The following DLGAP1 variants were observed in gnomAD, a reference collection of about 807,000 sequenced individuals.
DLGAP1 encodes disks large-associated protein 1.
Under a neutral mutation model 90.8 loss-of-function variants are expected in DLGAP1, and 11 were observed. The ratio of observed to expected loss-of-function variants is 0.12; its 90% CI spans 0.08 to 0.20. The LOEUF (loss-of-function observed/expected upper bound fraction) is 0.20. Ranked by LOEUF, DLGAP1 falls within the 10% of genes least tolerant of loss-of-function variation. The pLI is 1.00. For synonymous variants in DLGAP1, 558 were observed against 540.7 expected (o/e 1.03, Z -0.44); for missense variants, 1,050 against 1,333.8 (o/e 0.79, Z 3.31).
intron 7 of DLGAP1, among the ~76,000 whole-genome samples, chr18:3,691,785 G>A (rs371720910): frequency 1.8e-4 from 27 of 151,978 alleles, no homozygotes; most frequent in African/African-American, 4.3e-4. Flanking sequence ...GAGTGGTGGC[G>A]GGCATGCATC....
At chr18:4,327,858 G>A (rs2080857294) in intron 1 of DLGAP1, among the ~76,000 whole-genome samples, 1 of 151,868 alleles carries the variant, frequency 6.6e-6, no homozygotes, top group South Asian at 2.1e-4. Context: ...GTTTTGCTTT[G>A]ATGGGAATCA....
chr18:4,390,575 C>T (rs1474747054), intron 1 of DLGAP1, among the ~76,000 whole-genome samples: 1 of 152,194 alleles, frequency 6.6e-6, no homozygotes, highest in Non-Finnish European at 1.5e-5. Flanking sequence ...TTACTATCTC[C>T]ATTGTTCTGA....
At chr18:3,918,435 A>C (rs1356798769) in intron 3 of DLGAP1, among the ~76,000 whole-genome samples, 1 of 152,188 alleles carries the variant, frequency 6.6e-6, no homozygotes, top group Non-Finnish European at 1.5e-5. Flanking sequence ...GACGTTTTCC[A>C]GGCTGTTTTT....
chr18:3,813,898 G>T (rs572538239), intron 5 of DLGAP1, among the ~76,000 whole-genome samples, 161 bp downstream of exon 5: 4 of 152,220 alleles, frequency 2.6e-5, no homozygotes, highest in Admixed American at 2.6e-4. Flanking sequence ...TCTACAAAGG[G>T]ACTGGGGTAC....
At position 4,229,883 on chromosome 18, in the gene DLGAP1, G is replaced by C. The variant is rs575196102; in HGVS notation, c.-266-78596C>G. Among the ~76,000 whole-genome samples, 681 of 152,088 alleles carry C rather than the reference G, an allele frequency of 4.5e-3. 5 individuals carry two copies. Among genetic ancestry groups the C allele is most frequent in the African/African-American group, 0.015 (637 of 41,524 alleles). ...AACCCACAGAAAATGTTTGCAAACT[G>C]CCCATCTGAGAAGAGATTAATGACC... is the stretch of plus-strand genomic sequence containing the variant. On this transcript the variant is annotated intron_variant, in intron 1 of 12. Transcript: ENST00000315677.
intron 2 of DLGAP1, among the ~76,000 whole-genome samples, chr18:4,075,189 A>G (rs2075505085): frequency 6.6e-6 from 1 of 152,192 alleles, no homozygotes; most frequent in African/African-American, 2.4e-5. Context: ...TTAAGAAATC[A>G]GTGGCAACAG....
intron 3 of DLGAP1, among the ~76,000 whole-genome samples, chr18:3,949,898 G>A (rs2072950872): frequency 6.6e-6 from 1 of 152,150 alleles, no homozygotes; most frequent in Non-Finnish European, 1.5e-5. Context: ...TAGTCCACAT[G>A]ATATTTTGTT....
intron 12 of DLGAP1, among the ~76,000 whole-genome samples, chr18:3,500,009 T>C (rs377422911): frequency 1.2e-4 from 19 of 152,110 alleles, no homozygotes; most frequent in East Asian, 7.7e-4. Flanking sequence ...ATATACAATA[T>C]ACAGGGTCAC....
intron 1 of DLGAP1, among the ~76,000 whole-genome samples, chr18:4,291,200 T>G (rs899890616): frequency 1.3e-5 from 2 of 152,152 alleles, no homozygotes; most frequent in Non-Finnish European, 1.5e-5. Flanking sequence ...GCAGATAATA[T>G]AAATGGAAAC....
At chr18:3,538,153 A>T (rs1029733151) in intron 9 of DLGAP1, among the ~76,000 whole-genome samples, 1 of 152,120 alleles carries the variant, frequency 6.6e-6, no homozygotes, top group Non-Finnish European at 1.5e-5. Flanking sequence ...CAATAAATCA[A>T]TTTTTTCTCT....
intron 3 of DLGAP1, among the ~76,000 whole-genome samples, chr18:3,892,302 T>C (rs2071490212): frequency 6.6e-6 from 1 of 152,100 alleles, no homozygotes; most frequent in South Asian, 2.1e-4. Flanking sequence ...TGACTCAAGG[T>C]GGGAGGCTCC....
intron 11 of DLGAP1, among the ~76,000 whole-genome samples, chr18:3,502,915 T>A (rs2050020204): frequency 6.6e-6 from 1 of 152,000 alleles, no homozygotes; most frequent in African/African-American, 2.4e-5. Flanking sequence ...TCTAAACATA[T>A]GAAAAATTCC....
At chr18:3,718,712 G>A (rs2061850077) in intron 7 of DLGAP1, among the ~76,000 whole-genome samples, 1 of 151,886 alleles carries the variant, frequency 6.6e-6, no homozygotes, top group Non-Finnish European at 1.5e-5. Context: ...GATCGCCTGA[G>A]GTCAGGAGTT....
chr18:3,671,082 T>TCCCTC (rs1425444947), intron 7 of DLGAP1, among the ~76,000 whole-genome samples: 27 of 152,136 alleles, frequency 1.8e-4, no homozygotes, highest in African/African-American at 2.9e-4. Flanking sequence ...TTTCCCACCT[T>TCCCTC]CCCTCCCCTC....
chr18:3,518,605 G>A (rs903896661), intron 10 of DLGAP1, among the ~76,000 whole-genome samples: 13 of 152,078 alleles, frequency 8.5e-5, no homozygotes, highest in African/African-American at 3.1e-4. Context: ...GTGGGAAAAA[G>A]TGTAGGTGTG....
intron 2 of DLGAP1, among the ~76,000 whole-genome samples, chr18:4,139,241 T>C (rs2076455961): frequency 6.6e-6 from 1 of 152,030 alleles, no homozygotes; most frequent in East Asian, 1.9e-4. Flanking sequence ...TTTCTACTTT[T>C]TAATGTAGGC....
intron 4 of DLGAP1, among the ~76,000 whole-genome samples, chr18:3,859,926 C>T (rs931566538): frequency 2.0e-5 from 3 of 151,884 alleles, no homozygotes; most frequent in African/African-American, 2.4e-5. Flanking sequence ...TGGTGAAACC[C>T]GTCTCTACTA....
intron 3 of DLGAP1, among the ~76,000 whole-genome samples, chr18:3,926,548 C>T (rs2072394121): frequency 2.0e-5 from 3 of 151,876 alleles, no homozygotes; most frequent in Admixed American, 6.6e-5. Flanking sequence ...GCAGACACAT[C>T]TCTCTCTATA....
rs545738130 is a variant in DLGAP1, at chr18:4,341,727, T to C, written c.-267+113279A>G. Among the ~76,000 whole-genome samples the C allele has an allele frequency of 2.0e-5, 3 of 152,310 alleles. No homozygotes were observed. The South Asian group carries it at 6.2e-4, about 32-fold the overall frequency. ...ATAATAGTCTAGAATTTTTTTAAAA[T>C]AGTATTTGGTATACTGGATACTGCA... On this transcript the variant is annotated intron_variant, in intron 1 of 12. Coordinates refer to ENST00000315677, the MANE Select transcript of DLGAP1 (RefSeq NM_004746.4).
Sources: allele counts gnomAD v4.1 joint callset (sites outside exome capture counted in the v4.1 genomes callset), GRCh38; gene constraint gnomAD v4.1.1; transcripts MANE v1.5; gene names NCBI Gene and HGNC (gene_info 2026-07-23, HGNC 2026-07-21).